CPSF6: variants seen among roughly 807,000 people sequenced by gnomAD.
The protein encoded by CPSF6 is cleavage and polyadenylation specific factor 6, also known as cleavage and polyadenylation specificity factor subunit 6.
In CPSF6, 10 loss-of-function variants were observed where a neutral mutation model predicts 56.7. The ratio of observed to expected loss-of-function variants is 0.18; its 90% CI spans 0.11 to 0.30. The LOEUF (loss-of-function observed/expected upper bound fraction) is 0.30, where lower values mean the gene tolerates loss of function less well. CPSF6 is among the 10% of genes least tolerant of loss of function. The pLI is 1.00. For missense variants in CPSF6, 419 were observed against 722.9 expected (o/e 0.58, Z 4.82); for synonymous variants, 248 against 244.8 (o/e 1.01, Z -0.12).
At chr12:69,265,554 G>A (rs1872935518) in intron 9 of CPSF6, among the ~76,000 whole-genome samples, 1 of 149,804 alleles carries the variant, frequency 6.7e-6, no homozygotes, top group African/African-American at 2.5e-5. Context: ...TTAAGCATTG[G>A]GTATGGGGTC....
In CPSF6 at chr12:69,258,067, C is replaced by T. The variant is rs1438343016; in HGVS notation, c.694+162C>T. 5.9e-6 allele frequency: 9 copies of T among 1,537,432 alleles called. No individual in the cohort carries two copies. The highest frequency in any genetic ancestry group is 2.4e-5 in the East Asian group (1 of 40,916). ...GATCAAGCATCTTGTTAAAGGAACTCGGCCTTTGTTCCTGGAAACTAGGAT... is the reference window on the plus strand; with the variant it reads ...GATCAAGCATCTTGTTAAAGGAACTTGGCCTTTGTTCCTGGAAACTAGGAT... On this transcript the variant is annotated intron_variant, in intron 5 of 9. Transcript: ENST00000435070. The surrounding 1 kb of genome is among the most constrained non-coding windows in gnomAD (Gnocchi z 4.2).
At position 69,273,743 on chromosome 12, in the gene CPSF6, A is replaced by T. The variant is rs1347359178; in HGVS notation, c.*4235A>T. 2.6e-5 allele frequency: 4 copies of T among 151,756 alleles called. No individual in the cohort carries two copies. The East Asian group carries it at 7.7e-4, about 29-fold the overall frequency. 9.4% of individuals were successfully genotyped at this position (151,756 alleles called of 1,614,324 possible). A position where few individuals can be genotyped will look rare whatever the true frequency, so the allele number is the denominator to read the frequency against. ...TAGTACTCAGGTGGTATTTAATGGG[A>T]AAGGATCCTTTGGGTATAAATCATA... On this transcript the variant is annotated 3_prime_UTR_variant, in exon 10 of 10. Transcript: ENST00000435070.
rs1367758585 is a variant in CPSF6, at chr12:69,262,489, A to T, written c.1586A>T (p.Glu529Val). The change falls in exon 9 of 10, where the codon GAG (glutamate) becomes GTG (valine). Residue 529 changes from glutamate to valine, a missense_variant. Glu to Val is a moderately radical substitution (Grantham distance 121, BLOSUM62 -2). Coordinates refer to ENST00000435070, the MANE Select transcript of CPSF6 (RefSeq NM_007007.3). ...DYYRERSRER[E>V]RHRDRDRDRD... ...TACAGAGAGAGAAGCAGAGAACGAG[A>T]GAGGCACCGGGATCGTGACCGAGAC... The T allele has an allele frequency of 6.2e-7, 1 of 1,614,112 alleles. No homozygotes were observed.
chr12:69,242,583 T>C (rs1871683189), intron 1 of CPSF6, among the ~76,000 whole-genome samples: 2 of 152,176 alleles, frequency 1.3e-5, no homozygotes, highest in African/African-American at 4.8e-5. Flanking sequence ...TTATGGGTTC[T>C]CTTTAGTTCT....
chr12:69,259,265 A>T lies in CPSF6; in HGVS notation c.1200-163A>T, dbSNP rs574992329. ...GATACTGGTATAGGAGAATTTTTAG[A>T]TTTGTTCTCTTTGTTGGAAAAGTAG... On this transcript the variant is annotated intron_variant, in intron 6 of 9. Transcript: ENST00000435070. 2.1e-4 allele frequency: 170 copies of T among 791,566 alleles called. No homozygotes were observed. The South Asian group carries it at 7.8e-3, about 36-fold the overall frequency. 49.0% of individuals were successfully genotyped at this position (791,566 alleles called of 1,614,324 possible). A position where few individuals can be genotyped will look rare whatever the true frequency, so the allele number is the denominator to read the frequency against.
intron 9 of CPSF6, among the ~76,000 whole-genome samples, chr12:69,266,879 C>G (rs1468924078): frequency 6.6e-6 from 1 of 151,974 alleles, no homozygotes; most frequent in African/African-American, 2.4e-5. Flanking sequence ...GTACTATGTA[C>G]AGAGGTAGAA....
chr12:69,248,195 C>G lies in CPSF6; in HGVS notation c.61-2934C>G, dbSNP rs376820848. On this transcript the variant is annotated intron_variant, in intron 1 of 9. Transcript: ENST00000435070. ...ATTATGCTTGTAAATTTTTTGTCTA[C>G]TTATGTAAACATTTTCACAGGTTTG... Among the ~76,000 whole-genome samples the G allele has an allele frequency of 5.3e-5, 8 of 152,306 alleles. No homozygotes were observed. In the South Asian group the frequency reaches 6.2e-4, roughly 12 times the overall value.
chr12:69,268,286 T>C (rs1444735307), intron 9 of CPSF6, among the ~76,000 whole-genome samples: 1 of 151,830 alleles, frequency 6.6e-6, no homozygotes, highest in African/African-American at 2.4e-5. Flanking sequence ...GCTGAAGTTA[T>C]CTGAAAGATA....
rs559775902 is a variant in CPSF6 at position 69,258,434 on chromosome 12, T to C, written c.695-156T>C. Among the ~76,000 whole-genome samples, 1 of 152,360 alleles carries C rather than the reference T, an allele frequency of 6.6e-6. No homozygotes were observed. The highest frequency in any genetic ancestry group is 6.5e-5 in the Admixed American group (1 of 15,310). On this transcript the variant is annotated intron_variant, in intron 5 of 9. Transcript: ENST00000435070. This position sits in a 1 kb window ranked among gnomAD's most constrained non-coding sequence, Gnocchi z 4.2. ...TTAAATTTGTAAGGATATACTTCATTGTAGTTGGTAGTGTAACATTTACCA... is the reference window on the plus strand; with the variant it reads ...TTAAATTTGTAAGGATATACTTCATCGTAGTTGGTAGTGTAACATTTACCA...
At position 69,258,186 on chromosome 12, in the gene CPSF6, A is replaced by G; in HGVS notation, c.694+281A>G. The stretch of plus-strand genomic sequence containing the variant: ...CAAACTTGCTTGACTTATATATAGA[A>G]TATTTACATCCGTCTTACTTTCTTA... On this transcript the variant is annotated intron_variant, in intron 5 of 9. Coordinates refer to ENST00000435070, the MANE Select transcript of CPSF6 (RefSeq NM_007007.3). The surrounding 1 kb of genome is among the most constrained non-coding windows in gnomAD (Gnocchi z 4.2). 3.8e-6 allele frequency: 4 copies of G among 1,066,642 alleles called. No individual in the cohort carries two copies. Among genetic ancestry groups the G allele is most frequent in the Non-Finnish European group, 5.4e-6 (4 of 734,288 alleles). 66.1% of individuals were successfully genotyped at this position (1,066,642 alleles called of 1,614,324 possible).
chr12:69,265,292 A>G (rs185851484), intron 9 of CPSF6, among the ~76,000 whole-genome samples: 9 of 152,312 alleles, frequency 5.9e-5, no homozygotes, highest in Admixed American at 3.3e-4. Flanking sequence ...GAGCAAAATA[A>G]AAGTAGTTCA....
intron 8 of CPSF6, 42 bp from the exon 9 acceptor site, chr12:69,262,327 GCTAT>G (rs760068791): frequency 2.6e-5 from 38 of 1,463,706 alleles, no homozygotes; most frequent in African/African-American, 7.0e-5. Context: ...ATATTTTTAG[GCTAT>G]CTAATTATGG....
At chr12:69,266,255 A>C (rs1013738895) in intron 9 of CPSF6, among the ~76,000 whole-genome samples, 53 of 152,032 alleles carry the variant, frequency 3.5e-4, no homozygotes, top group African/African-American at 1.3e-3. Flanking sequence ...CATGTATCCT[A>C]ACTGCTCTGC....
At chr12:69,267,933 G>A (rs528149774) in intron 9 of CPSF6, among the ~76,000 whole-genome samples, 159 of 151,912 alleles carry the variant, frequency 1.0e-3, no homozygotes, top group African/African-American at 3.7e-3. Flanking sequence ...TGCAGTGTAT[G>A]TGATATGTTT....
chr12:69,267,110 A>G (rs1592812937), intron 9 of CPSF6, among the ~76,000 whole-genome samples: 1 of 152,062 alleles, frequency 6.6e-6, no homozygotes, highest in Admixed American at 6.6e-5. Context: ...TTGAGTTAGT[A>G]GTGCATCTCT....
At chr12:69,240,941 A>AT (rs1871587039) in intron 1 of CPSF6, among the ~76,000 whole-genome samples, 1 of 152,170 alleles carries the variant, frequency 6.6e-6, no homozygotes, top group Non-Finnish European at 1.5e-5. Context: ...TAAAAGCCTT[A>AT]TTTTTTTGTA....
intron 1 of CPSF6, among the ~76,000 whole-genome samples, chr12:69,249,151 T>TGGGGGGGGG (rs1872076900): frequency 4.7e-5 from 1 of 21,378 alleles, no homozygotes; most frequent in Non-Finnish European, 9.6e-5. Flanking sequence ...TCCCAGCTAC[T>TGGGGGGGGG]CGGGGGGGGG....
chr12:69,253,283 A>G (rs761330559), intron 3 of CPSF6, 129 bp downstream of exon 3: 21 of 479,402 alleles, frequency 4.4e-5, no homozygotes, highest in Non-Finnish European at 7.9e-5. Context: ...GATTGTTTAC[A>G]TTGGAAGGAG....
intron 1 of CPSF6, among the ~76,000 whole-genome samples, chr12:69,250,594 AAAAAAAAAAAAAAG>A (rs1175844070): frequency 8.8e-6 from 1 of 113,830 alleles, no homozygotes; most frequent in Admixed American, 8.7e-5. Context: ...TCTCTACAAA[AAAAAAAAAAAAAAG>A]AAAAAAAAGA....
Sources: gnomAD v4.1 joint callset for allele counts (sites outside exome capture counted in the v4.1 genomes callset) on GRCh38, gnomAD v4.1.1 for gene constraint, Gnocchi (gnomAD v3.1) non-coding constraint, MANE v1.5 for transcripts, NCBI Gene and HGNC (gene_info 2026-07-23, HGNC 2026-07-21) for gene names.